The following GNA12 variants were observed in gnomAD, a reference collection of about 807,000 sequenced individuals.
GNA12 encodes the protein G protein subunit alpha 12, also known as guanine nucleotide-binding protein subunit alpha-12.
Under a neutral mutation model 26.0 loss-of-function variants are expected in GNA12, and 9 were observed. That is an observed-to-expected ratio of 0.35 (90% CI 0.21 to 0.60). The LOEUF is 0.60. GNA12 is among the 20% of genes least tolerant of loss of function. The probability of loss-of-function intolerance (pLI) is 0.78; values close to 1 mark genes in which losing one functional copy is unlikely to be tolerated. For missense variants in GNA12, 405 were observed against 525.8 expected, an observed-to-expected ratio of 0.77 and a Z score of 2.25; for synonymous variants, 264 against 219.6, an observed-to-expected ratio of 1.20 and a Z score of -1.79.
intron 1 of GNA12, among the ~76,000 whole-genome samples, chr7:2,802,936 G>A (rs1792848033): frequency 1.3e-5 from 2 of 152,210 alleles, no homozygotes; most frequent in Admixed American, 6.5e-5. Flanking sequence ...TCACAGCGCA[G>A]CCCTGGCCCC....
intron 1 of GNA12, among the ~76,000 whole-genome samples, chr7:2,825,055 C>G (rs1793453116): frequency 6.6e-6 from 1 of 152,164 alleles, no homozygotes; most frequent in Non-Finnish European, 1.5e-5. Context: ...GGGTAGTACC[C>G]AAGACTCCAT....
intron 1 of GNA12, among the ~76,000 whole-genome samples, chr7:2,819,546 C>A (rs760836675): frequency 5.3e-5 from 8 of 152,166 alleles, no homozygotes; most frequent in African/African-American, 1.2e-4. Context: ...TAACCAAAAG[C>A]AGTCCCCTTA....
chr7:2,794,631 C>T (rs1389272257), intron 2 of GNA12: 1 of 382,234 alleles, frequency 2.6e-6, no homozygotes, highest in South Asian at 2.9e-5. Flanking sequence ...TGAACAAGAT[C>T]TCTAAAAAAA....
At chr7:2,839,026 T>A (rs763391104) in intron 1 of GNA12, among the ~76,000 whole-genome samples, 3 of 152,236 alleles carry the variant, frequency 2.0e-5, no homozygotes, top group African/African-American at 7.2e-5. Context: ...ATCTGACACA[T>A]GTAGAACATT....
chr7:2,733,462 T>C lies in GNA12; in HGVS notation c.565A>G (p.Ile189Val). ...GCGTGCTTACTCACCAGCTGGCCGA[T>C]CCGGTCCAAGTTGTCCAGGAAGTAC... ...VKYFLDNLDR[I>V]GQLNYFPSKQ... The change falls in exon 3 of 4, where the codon ATC (isoleucine) becomes GTC (valine). Residue 189 changes from isoleucine (I) to valine (V), a missense_variant. Ile to Val is a conservative substitution (Grantham distance 29). Coordinates refer to ENST00000275364, the MANE Select transcript of GNA12 (RefSeq NM_007353.3). 1 of 1,613,902 alleles carries C rather than the reference T, an allele frequency of 6.2e-7. No homozygotes were observed. The highest frequency in any genetic ancestry group is 1.1e-5 in the South Asian group (1 of 91,008).
chr7:2,780,323 A>T (rs1792196608), intron 2 of GNA12, among the ~76,000 whole-genome samples: 1 of 152,086 alleles, frequency 6.6e-6, no homozygotes, highest in Middle Eastern at 3.4e-3. Context: ...CAATACAATA[A>T]ACATCCTTGC....
At chr7:2,842,016 A>AAGGAAGAAAGGGAGGGAGG (rs1562453972) in intron 1 of GNA12, among the ~76,000 whole-genome samples, 2 of 69,918 alleles carry the variant, frequency 2.9e-5, no homozygotes, top group African/African-American at 1.1e-4. Flanking sequence ...AGGGAGGGAG[A>AAGGAAGAAAGGGAGGGAGG]AAGGAAGGGA....
intron 1 of GNA12, among the ~76,000 whole-genome samples, chr7:2,806,290 C>T (rs1420796988): frequency 6.6e-6 from 1 of 151,776 alleles, no homozygotes; most frequent in African/African-American, 2.4e-5. Context: ...ACCAGCCTGG[C>T]CAACATGGTG....
At chr7:2,765,394 C>G (rs888414127) in intron 2 of GNA12, among the ~76,000 whole-genome samples, 6 of 152,060 alleles carry the variant, frequency 3.9e-5, no homozygotes, top group African/African-American at 9.7e-5. Context: ...CTCCTGACCT[C>G]GTGATCCGCC....
chr7:2,815,054 G>A (rs550935228), intron 1 of GNA12: 18 of 1,472,426 alleles, frequency 1.2e-5, no homozygotes, highest in Admixed American at 4.3e-5. Flanking sequence ...ACCAAGCGCC[G>A]CCACTGTGGC....
intron 2 of GNA12, among the ~76,000 whole-genome samples, chr7:2,789,858 G>C (rs925776014): frequency 6.6e-6 from 1 of 152,212 alleles, no homozygotes; most frequent in Non-Finnish European, 1.5e-5. Flanking sequence ...AACCAGCACA[G>C]AGAAGCCCAG....
At chr7:2,755,386 C>T (rs904004198) in intron 2 of GNA12, among the ~76,000 whole-genome samples, 6 of 152,336 alleles carry the variant, frequency 3.9e-5, no homozygotes, top group Non-Finnish European at 7.3e-5. Context: ...TCCATGAACA[C>T]GGCACATCCC....
intron 1 of GNA12, among the ~76,000 whole-genome samples, chr7:2,805,269 C>T (rs1012272140): frequency 6.6e-6 from 1 of 152,246 alleles, no homozygotes; most frequent in Non-Finnish European, 1.5e-5. Flanking sequence ...GTGTTAAGTA[C>T]TCACTGTCCA....
intron 1 of GNA12, chr7:2,835,556 G>T (rs576952693): frequency 1.4e-5 from 7 of 490,576 alleles, no homozygotes; most frequent in Admixed American, 3.6e-5. Context: ...ATTCTGGGCC[G>T]ACAGGGAGCA....
At chr7:2,786,871 G>A (rs1204037198) in intron 2 of GNA12, among the ~76,000 whole-genome samples, 1 of 152,142 alleles carries the variant, frequency 6.6e-6, no homozygotes, top group Non-Finnish European at 1.5e-5. Flanking sequence ...GATGGGTGAT[G>A]GCCTTCATGG....
chr7:2,740,133 C>G (rs1790424796), intron 2 of GNA12, among the ~76,000 whole-genome samples: 1 of 152,124 alleles, frequency 6.6e-6, no homozygotes, highest in South Asian at 2.1e-4. Flanking sequence ...CGGTGGCCAT[C>G]CTACTAGCTG....
At chr7:2,841,283 T>A (rs1778981697) in intron 1 of GNA12, among the ~76,000 whole-genome samples, 2 of 152,234 alleles carry the variant, frequency 1.3e-5, no homozygotes. Context: ...TTGAGTTTTC[T>A]AACACGCACT....
At chr7:2,766,128 C>A (rs751717703) in intron 2 of GNA12, among the ~76,000 whole-genome samples, 3 of 152,182 alleles carry the variant, frequency 2.0e-5, no homozygotes, top group Non-Finnish European at 4.4e-5. Context: ...CATTTCCCCC[C>A]ATCTGCCCAG....
rs138482187 is a variant in GNA12 at position 2,802,643 on chromosome 7, G to T, written c.310-7500C>A. Among the ~76,000 whole-genome samples the T allele has an allele frequency of 4.2e-3, 641 of 152,228 alleles. 6 individuals are homozygous for T. Among genetic ancestry groups the T allele is most frequent in the African/African-American group, 0.015 (609 of 41,534 alleles). On this transcript the variant is annotated intron_variant, in intron 1 of 3. Transcript: ENST00000275364. ...CCATTAAGACAAACTGAAGATTCTGGATGTTCACTCGGGCAACAGCATGTG... is the reference window on the plus strand; with the variant it reads ...CCATTAAGACAAACTGAAGATTCTGTATGTTCACTCGGGCAACAGCATGTG...
Sources: gnomAD v4.1 joint callset for allele counts (sites outside exome capture counted in the v4.1 genomes callset) on GRCh38, gnomAD v4.1.1 for gene constraint, MANE v1.5 for transcripts, NCBI Gene and HGNC (gene_info 2026-07-23, HGNC 2026-07-21) for gene names.